Variants in GNAL observed in about 807,000 individuals in gnomAD.
GNAL encodes guanine nucleotide-binding protein G(olf) subunit alpha.
Under a neutral mutation model 55.1 loss-of-function variants are expected in GNAL, and 18 were observed. The ratio of observed to expected loss-of-function variants is 0.33; its 90% CI spans 0.23 to 0.48. GNAL has a LOEUF of 0.48. Among genes scored for constraint, GNAL ranks in the 20% least tolerant of loss-of-function variants. The pLI is 0.99. For synonymous variants in GNAL, 253 were observed against 237.0 expected, an observed-to-expected ratio of 1.07 and a Z score of -0.62; for missense variants, 412 against 614.1, an observed-to-expected ratio of 0.67 and a Z score of 3.48.
intron 8 of GNAL, among the ~76,000 whole-genome samples, chr18:11,867,951 C>T (rs539446643): frequency 6.6e-6 from 1 of 151,636 alleles, no homozygotes; most frequent in Admixed American, 6.6e-5. Context: ...ATAGTGAAAC[C>T]CCGTCTCTAC....
Position 11,868,705 on chromosome 18 carries a change from AT to A in GNAL, c.1031+46del. 1.3e-6 allele frequency: 2 copies of A among 1,568,008 alleles called. No homozygotes were observed. Among genetic ancestry groups the A allele is most frequent in the Non-Finnish European group, 1.7e-6 (2 of 1,152,046 alleles). On this transcript the variant is annotated intron_variant, in intron 9 of 11. Coordinates refer to ENST00000334049, the MANE Select transcript of GNAL (RefSeq NM_182978.4). This position sits in a 1 kb window ranked among gnomAD's most constrained non-coding sequence, Gnocchi z 4.0. ...ATTCAGTCTTACCATTGGATTGCAA[AT>A]TTTCTTTTGTTAAAAATACGCTCAG... is the stretch of plus-strand genomic sequence containing the variant.
Position 11,689,878 on chromosome 18 carries a change from C to G in GNAL, c.315C>G (p.Ile105Met). 1 of 1,500,992 alleles carries G rather than the reference C, an allele frequency of 6.7e-7. No individual in the cohort carries two copies. Among genetic ancestry groups the G allele is most frequent in the Non-Finnish European group, 8.9e-7 (1 of 1,126,580 alleles). 93.0% of individuals were successfully genotyped at this position (1,500,992 alleles called of 1,614,324 possible). The change falls in exon 1 of 12, where the codon ATC becomes ATG. Residue 105 changes from isoleucine to methionine, a missense_variant. Coordinates refer to ENST00000334049, the MANE Select transcript of GNAL (RefSeq NM_182978.4). ...AGGCGAGGAAAGTGAGCCGGGGCAT[C>G]GACCGCATGCTGCGCGACCAGAAGC... ...VKEARKVSRG[I>M]DRMLRDQKRD... is the part of the protein sequence containing the mutation.
At chr18:11,857,488 A>G in intron 5 of GNAL, 1 of 985,558 alleles carries the variant, frequency 1.0e-6, no homozygotes, top group Non-Finnish European at 1.2e-6. Context: ...GCTGGAGGCC[A>G]CATTAAAAGT....
At chr18:11,771,808 G>A (rs940800725) in intron 4 of GNAL, among the ~76,000 whole-genome samples, 3 of 152,104 alleles carry the variant, frequency 2.0e-5, no homozygotes, top group African/African-American at 4.8e-5. Context: ...TCCTCCTTCT[G>A]GGTTCAAGCG....
intron 5 of GNAL, chr18:11,852,422 A>C (rs949831977): frequency 9.2e-6 from 3 of 325,664 alleles, no homozygotes; most frequent in African/African-American, 6.4e-5. Flanking sequence ...TTTCCTGCCC[A>C]GAATGATCAG....
At chr18:11,850,961 C>T (rs562937042) in intron 5 of GNAL, among the ~76,000 whole-genome samples, 112 of 152,278 alleles carry the variant, frequency 7.4e-4, no homozygotes, top group Admixed American at 2.0e-3. Context: ...CCATGGTTTC[C>T]AGTTCCCCTG....
chr18:11,830,022 A>T (rs980634187), intron 5 of GNAL, among the ~76,000 whole-genome samples: 10 of 152,112 alleles, frequency 6.6e-5, no homozygotes, highest in African/African-American at 2.2e-4. Flanking sequence ...AAATAAGTAA[A>T]TAAAGTCAGT....
At chr18:11,805,320 G>A (rs1321524887) in intron 4 of GNAL, among the ~76,000 whole-genome samples, 2 of 152,148 alleles carry the variant, frequency 1.3e-5, no homozygotes, top group African/African-American at 4.8e-5. Flanking sequence ...TGGAGATACT[G>A]TGTAGTGGTG....
chr18:11,799,787 T>C (rs2034476158), intron 4 of GNAL, among the ~76,000 whole-genome samples: 1 of 152,132 alleles, frequency 6.6e-6, no homozygotes, highest in Non-Finnish European at 1.5e-5. Flanking sequence ...TGCTTTTAAA[T>C]TTTCAGCAGT....
intron 1 of GNAL, among the ~76,000 whole-genome samples, chr18:11,705,511 T>C (rs887534661): frequency 1.3e-5 from 2 of 152,182 alleles, no homozygotes; most frequent in African/African-American, 4.8e-5. Context: ...TTCTATATTT[T>C]GATTTTTTAA....
intron 4 of GNAL, among the ~76,000 whole-genome samples, chr18:11,794,408 C>T (rs1010467396): frequency 6.6e-5 from 10 of 152,292 alleles, no homozygotes; most frequent in East Asian, 1.9e-4. Context: ...TCAAAAGGAA[C>T]GAAGTTCTGA....
At position 11,689,701 on chromosome 18, in the gene GNAL, G is replaced by A. The variant is rs532055871; in HGVS notation, c.138G>A (p.Arg46=). The change falls in exon 1 of 12, where the codon AGG becomes AGA. Residue 46 remains arginine (R), a synonymous_variant. Coordinates refer to ENST00000334049, the MANE Select transcript of GNAL (RefSeq NM_182978.4). ...TGGCCCCAGTCCGGGCGGCCGCAAGGGACACGGCCCGGACCCTGCTCCCTC... is the reference window on the plus strand; with the variant it reads ...TGGCCCCAGTCCGGGCGGCCGCAAGAGACACGGCCCGGACCCTGCTCCCTC... ...PALAPVRAAA[R]DTARTLLPRG... is the part of the protein sequence containing the mutation. 176 of 1,481,672 alleles carry A rather than the reference G, an allele frequency of 1.2e-4. 1 individual carries two copies. The African/African-American group carries it at 2.4e-3, about 20-fold the overall frequency. 91.8% of individuals were successfully genotyped at this position (1,481,672 alleles called of 1,614,324 possible).
intron 4 of GNAL, among the ~76,000 whole-genome samples, chr18:11,800,831 G>T (rs111452753): frequency 1.1e-4 from 16 of 152,218 alleles, no homozygotes; most frequent in African/African-American, 3.4e-4. Flanking sequence ...GACTTTCTGA[G>T]GATAATTGTG....
chr18:11,759,404 A>G (rs975087724), intron 4 of GNAL, among the ~76,000 whole-genome samples: 16 of 152,256 alleles, frequency 1.1e-4, no homozygotes, highest in African/African-American at 3.9e-4. Context: ...GAAACAGAAA[A>G]GCAGTCTGAT....
intron 5 of GNAL, chr18:11,852,292 C>G (rs1372831502): frequency 1.4e-6 from 1 of 729,212 alleles, no homozygotes. Context: ...GCACTCTTAG[C>G]TGGATTCTAA....
intron 4 of GNAL, among the ~76,000 whole-genome samples, chr18:11,772,134 T>C (rs1405266932): frequency 1.3e-5 from 2 of 152,174 alleles, no homozygotes; most frequent in African/African-American, 4.8e-5. Context: ...ACTTTTTTAT[T>C]ACACTTGCTC....
chr18:11,722,739 T>C (rs948138649), intron 1 of GNAL, among the ~76,000 whole-genome samples: 4 of 151,998 alleles, frequency 2.6e-5, no homozygotes, highest in African/African-American at 7.2e-5. Context: ...GGGCAGGGCA[T>C]GGTGGCTCAG....
At chr18:11,789,906 C>A (rs1026999357) in intron 4 of GNAL, among the ~76,000 whole-genome samples, 4 of 152,142 alleles carry the variant, frequency 2.6e-5, no homozygotes, top group Non-Finnish European at 5.9e-5. Flanking sequence ...GAGGAAAAGC[C>A]TCAGATAAAA....
chr18:11,791,127 A>G (rs1448394357), intron 4 of GNAL, among the ~76,000 whole-genome samples: 2 of 152,212 alleles, frequency 1.3e-5, no homozygotes, highest in Non-Finnish European at 2.9e-5. Context: ...AGGGAAGGCC[A>G]AACAATTTGG....
Sources: allele counts gnomAD v4.1 joint callset (sites outside exome capture counted in the v4.1 genomes callset), GRCh38; gene constraint gnomAD v4.1.1; non-coding constraint Gnocchi (gnomAD v3.1); transcripts MANE v1.5; gene names NCBI Gene and HGNC (gene_info 2026-07-23, HGNC 2026-07-21).